GYPC: variants seen among roughly 807,000 people sequenced by gnomAD.
The protein encoded by GYPC is glycophorin C (Gerbich blood group).
In GYPC, 14 loss-of-function variants were observed where a neutral mutation model predicts 12.6. That is an observed-to-expected ratio of 1.11 (90% CI 0.74 to 1.74). GYPC has a LOEUF of 1.74. GYPC is among the 40% of genes most tolerant of loss of function. The pLI, the probability that GYPC is intolerant of heterozygous loss-of-function variation, is 0.00. For synonymous variants in GYPC, 78 were observed against 62.1 expected (o/e 1.26, Z -1.20); for missense variants, 225 against 172.1 (o/e 1.31, Z -1.72).
chr2:126,690,436 A>G, intron 2 of GYPC, 125 bp downstream of exon 2: 3 of 772,452 alleles, frequency 3.9e-6, no homozygotes. Flanking sequence ...GGGAGAACTG[A>G]CCTAAGGACT....
intron 1 of GYPC, among the ~76,000 whole-genome samples, chr2:126,675,295 C>G (rs917066132): frequency 2.6e-5 from 4 of 152,206 alleles, no homozygotes; most frequent in African/African-American, 9.6e-5. Flanking sequence ...TGAGACACAT[C>G]TTAATTTTTA....
rs1289721044 is a variant in GYPC, at chr2:126,686,228, T to C, written c.50-4027T>C. ...GCTAGCACCTGACCCCTGCTCTCCG[T>C]CCACATCTGAAAAATACCACTGGCC... On this transcript the variant is annotated intron_variant, in intron 1 of 3. Coordinates refer to ENST00000259254, the MANE Select transcript of GYPC (RefSeq NM_002101.5). 7 of 985,300 alleles carry C rather than the reference T, an allele frequency of 7.1e-6. No homozygotes were observed. In the East Asian group the frequency reaches 4.5e-4, roughly 64 times the overall value. The allele number at this position is 985,300 out of a possible 1,614,324, so 61.0% of individuals were successfully genotyped here. A position where few individuals can be genotyped will look rare whatever the true frequency, so the allele number is the denominator to read the frequency against.
intron 3 of GYPC, 37 bp downstream of exon 3, chr2:126,693,984 G>A (rs748257396): frequency 1.4e-6 from 2 of 1,382,058 alleles, no homozygotes; most frequent in Non-Finnish European, 2.1e-6. Flanking sequence ...AGCAGCCAGG[G>A]TGGGGGGCCT....
chr2:126,693,745 C>T (rs1683545653), intron 2 of GYPC, 119 bp from the exon 3 acceptor site: 2 of 780,808 alleles, frequency 2.6e-6, no homozygotes, highest in Non-Finnish European at 2.4e-6. Context: ...TGCTCCTTTC[C>T]ACTTGGACCC....
intron 1 of GYPC, among the ~76,000 whole-genome samples, chr2:126,688,683 G>A (rs1036695398): frequency 6.6e-6 from 1 of 152,084 alleles, no homozygotes; most frequent in African/African-American, 2.4e-5. Context: ...CAAGCTCCTT[G>A]GTGGCCCCAG....
intron 2 of GYPC, 88 bp downstream of exon 2, chr2:126,690,399 G>T: frequency 9.9e-7 from 1 of 1,005,966 alleles, no homozygotes; most frequent in East Asian, 2.4e-5. Flanking sequence ...AGCAGCCAGG[G>T]TTGGGGGACT....
intron 1 of GYPC, among the ~76,000 whole-genome samples, chr2:126,662,574 C>A (rs549592096): frequency 6.6e-6 from 1 of 152,284 alleles, no homozygotes; most frequent in East Asian, 1.9e-4. Flanking sequence ...AGGGATGGGA[C>A]CTGCCCAGCA....
intron 1 of GYPC, chr2:126,675,794 G>C: frequency 2.5e-6 from 1 of 403,914 alleles, no homozygotes; most frequent in Non-Finnish European, 3.3e-6. Context: ...AGTAGTGATG[G>C]TGGAAGAAGT....
intron 1 of GYPC, among the ~76,000 whole-genome samples, chr2:126,659,932 G>A (rs536857929): frequency 1.3e-5 from 2 of 152,128 alleles, no homozygotes; most frequent in South Asian, 2.1e-4. Flanking sequence ...TAGGACTACC[G>A]GCATACGCCA....
At chr2:126,692,215 A>G (rs962355193) in intron 2 of GYPC, among the ~76,000 whole-genome samples, 1 of 152,058 alleles carries the variant, frequency 6.6e-6, no homozygotes, top group Admixed American at 6.6e-5. Context: ...CGAGACCCAG[A>G]TCCTGAGCCA....
At chr2:126,656,802 A>C (rs887591122) in intron 1 of GYPC, among the ~76,000 whole-genome samples, 1 of 152,220 alleles carries the variant, frequency 6.6e-6, no homozygotes, top group Admixed American at 6.5e-5. Flanking sequence ...AGGCACACAG[A>C]TGCGAGGGAA....
chr2:126,686,432 G>A (rs1318286765), intron 1 of GYPC: 1 of 985,394 alleles, frequency 1.0e-6, no homozygotes, highest in Admixed American at 6.1e-5. Context: ...AGAGTTAGTA[G>A]GAATGACTGT....
At chr2:126,686,627 G>A (rs574172208) in intron 1 of GYPC, 22 of 982,796 alleles carry the variant, frequency 2.2e-5, no homozygotes, top group Middle Eastern at 5.2e-4. Context: ...AAGCCTGAAC[G>A]TGTGGAGCTT....
At chr2:126,688,769 A>T (rs1449517639) in intron 1 of GYPC, among the ~76,000 whole-genome samples, 1 of 151,760 alleles carries the variant, frequency 6.6e-6, no homozygotes. Context: ...ACCCACTATG[A>T]CTCCTGACTC....
chr2:126,690,024 C>T (rs1045189281), intron 1 of GYPC, among the ~76,000 whole-genome samples: 1 of 152,196 alleles, frequency 6.6e-6, no homozygotes, highest in African/African-American at 2.4e-5. Flanking sequence ...CCTGGAGTGA[C>T]CTGGTGGTTC....
chr2:126,657,046 GCC>G (rs1477728620), intron 1 of GYPC, among the ~76,000 whole-genome samples: 1 of 152,140 alleles, frequency 6.6e-6, no homozygotes, highest in Non-Finnish European at 1.5e-5. Context: ...CCCCCACCCT[GCC>G]GCGGTCTGAT....
chr2:126,662,908 C>T (rs1682571302), intron 1 of GYPC, among the ~76,000 whole-genome samples: 1 of 152,194 alleles, frequency 6.6e-6, no homozygotes, highest in Admixed American at 6.5e-5. Flanking sequence ...GCTCTCCAGA[C>T]TCCTCAGATG....
At chr2:126,686,627 G>T in intron 1 of GYPC, 2 of 982,796 alleles carry the variant, frequency 2.0e-6, no homozygotes, top group African/African-American at 1.7e-5. Flanking sequence ...AAGCCTGAAC[G>T]TGTGGAGCTT....
At chr2:126,686,234 T>G in intron 1 of GYPC, 8 of 985,416 alleles carry the variant, frequency 8.1e-6, no homozygotes, top group Non-Finnish European at 9.6e-6. Context: ...TCCGTCCACA[T>G]CTGAAAAATA....
Sources: gnomAD v4.1 joint callset for allele counts (sites outside exome capture counted in the v4.1 genomes callset) on GRCh38, gnomAD v4.1.1 for gene constraint, MANE v1.5 for transcripts, NCBI Gene and HGNC (gene_info 2026-07-23, HGNC 2026-07-21) for gene names.